Variants in ZMPSTE24 observed in about 807,000 individuals in gnomAD.
ZMPSTE24 encodes the protein CAAX prenyl protease 1 homolog.
In ZMPSTE24, 48 loss-of-function variants were observed where a neutral mutation model predicts 56.7. The ratio of observed to expected loss-of-function variants is 0.85; its 90% CI spans 0.67 to 1.08. The LOEUF is 1.08. Among genes scored for constraint, ZMPSTE24 ranks in the 50% least tolerant of loss-of-function variants. The pLI is 0.00. For missense variants in ZMPSTE24, 503 were observed against 548.7 expected (o/e 0.92, Z 0.83); for synonymous variants, 172 against 195.2 (o/e 0.88, Z 0.99).
chr1:40,279,203 A>G (rs1201138329), intron 6 of ZMPSTE24, among the ~76,000 whole-genome samples: 2 of 152,206 alleles, frequency 1.3e-5, no homozygotes, highest in Non-Finnish European at 2.9e-5. Flanking sequence ...AGAAGTAGGT[A>G]TGCTGATTTT....
intron 1 of ZMPSTE24, among the ~76,000 whole-genome samples, chr1:40,258,743 T>C (rs1373117668): frequency 6.6e-6 from 1 of 152,204 alleles, no homozygotes; most frequent in Non-Finnish European, 1.5e-5. Context: ...CCCAACTTCC[T>C]CATGACATTT....
Position 40,258,262 on chromosome 1 carries a change from C to T in ZMPSTE24, c.-10C>T. 6.2e-7 allele frequency: 1 copy of T among 1,613,348 alleles called. No individual in the cohort carries two copies. On this transcript the variant is annotated 5_prime_UTR_variant, in exon 1 of 10. Transcript: ENST00000372759. ...GTGCACGCTGAAGGAGCCGGCGGAACCGGGTGGCCATGGGGATGTGGGCAT... is the reference window on the plus strand; with the variant it reads ...GTGCACGCTGAAGGAGCCGGCGGAATCGGGTGGCCATGGGGATGTGGGCAT...
At chr1:40,280,168 C>T (rs776402911) in intron 6 of ZMPSTE24, among the ~76,000 whole-genome samples, 4 of 152,086 alleles carry the variant, frequency 2.6e-5, no homozygotes, top group East Asian at 1.9e-4. Context: ...TTGAGTTCTT[C>T]GGCAACTTCT....
intron 6 of ZMPSTE24, among the ~76,000 whole-genome samples, chr1:40,278,067 G>A (rs534657283): frequency 6.6e-6 from 1 of 151,610 alleles, no homozygotes; most frequent in South Asian, 2.1e-4. Flanking sequence ...AAACATGTTT[G>A]GCTCTTCCTG....
At chr1:40,273,533 A>ATATACATATATATATAT in intron 6 of ZMPSTE24, among the ~76,000 whole-genome samples, 1 of 57,042 alleles carries the variant, frequency 1.8e-5, no homozygotes, top group Admixed American at 2.0e-4. Context: ...AAAAAAAAAA[A>ATATACATATATATATAT]AAAAATATAT....
At chr1:40,280,082 A>C (rs990487264) in intron 6 of ZMPSTE24, among the ~76,000 whole-genome samples, 1 of 152,140 alleles carries the variant, frequency 6.6e-6, no homozygotes, top group African/African-American at 2.4e-5. Context: ...CGCTTAGCTC[A>C]TGAAGCACCC....
chr1:40,258,318 A>C lies in ZMPSTE24; in HGVS notation c.47A>C (p.Glu16Ala), dbSNP rs545458336. 2 of 1,614,164 alleles carry C rather than the reference A, an allele frequency of 1.2e-6. No individual in the cohort carries two copies. The highest frequency in any genetic ancestry group is 2.2e-5 in the East Asian group (1 of 44,882). Residue 16 changes from glutamate to alanine, a missense_variant, in exon 1 of 10, where the codon GAG becomes GCG. Coordinates refer to ENST00000372759, the MANE Select transcript of ZMPSTE24 (RefSeq NM_005857.5). ...GACGCTTTGTGGGAGATGCCGGCCG[A>C]GAAGCGTATCTTCGGGGCCGTGCTG... ...SLDALWEMPA[E>A]KRIFGAVLLF...
rs1643598803 is a variant in ZMPSTE24, at chr1:40,270,108, T to G, written c.608T>G (p.Phe203Cys). 6.2e-7 allele frequency: 1 copy of G among 1,613,852 alleles called. No homozygotes were observed. Residue 203 changes from phenylalanine to cysteine, a missense_variant, in exon 5 of 10, where the codon TTC becomes TGC. Physicochemically the swap from Phe to Cys is radical, Grantham distance 205. Transcript: ENST00000372759. ...GDYFFIYAWL[F>C]TLVVSLVLVT... ...TATTTTTTTATTTATGCCTGGCTGTTCACATTAGTTGTGTCTCTGGTGAGT... is the reference window on the plus strand; with the variant it reads ...TATTTTTTTATTTATGCCTGGCTGTGCACATTAGTTGTGTCTCTGGTGAGT...
intron 6 of ZMPSTE24, 49 bp from the exon 7 acceptor site, chr1:40,281,294 C>T: frequency 6.3e-7 from 1 of 1,587,826 alleles, no homozygotes; most frequent in Non-Finnish European, 8.6e-7. Flanking sequence ...CTCCAAAGGA[C>T]CCCAAACTTT....
chr1:40,280,273 T>C (rs1305891166), intron 6 of ZMPSTE24, among the ~76,000 whole-genome samples: 26 of 152,122 alleles, frequency 1.7e-4, no homozygotes, highest in Non-Finnish European at 1.2e-4. Context: ...TCTTCAAGGC[T>C]CTCATCTCCT....
chr1:40,273,516 T>TCA (rs1208318399), intron 6 of ZMPSTE24, among the ~76,000 whole-genome samples: 112 of 10,548 alleles, frequency 0.011, 5 homozygotes, highest in East Asian at 0.075. Flanking sequence ...AAATTCTGTC[T>TCA]AAAAAAAAAA....
chr1:40,260,956 T>C lies in ZMPSTE24; in HGVS notation c.241T>C (p.Ser81Pro). 1 of 1,614,158 alleles carries C rather than the reference T, an allele frequency of 6.2e-7. No individual in the cohort carries two copies. The highest frequency in any genetic ancestry group is 8.5e-7 in the Non-Finnish European group (1 of 1,180,032). ...GGATAAAAGCACTTTCAGCTTCTGGTCAGGACTCTATTCAGAGACTGAAGG... is the reference window on the plus strand; with the variant it reads ...GGATAAAAGCACTTTCAGCTTCTGGCCAGGACTCTATTCAGAGACTGAAGG... ...QLDKSTFSFW[S>P]GLYSETEGTL... The change falls in exon 2 of 10, where the codon TCA becomes CCA. Residue 81 changes from serine to proline, a missense_variant. Ser to Pro is a moderately conservative substitution (Grantham distance 74, BLOSUM62 -1). Transcript: ENST00000372759.
At chr1:40,274,792 G>A (rs1259650435) in intron 6 of ZMPSTE24, among the ~76,000 whole-genome samples, 2 of 152,142 alleles carry the variant, frequency 1.3e-5, no homozygotes, top group Non-Finnish European at 2.9e-5. Context: ...AGGACATAAT[G>A]GTAGCTTAGA....
chr1:40,281,614 T>A (rs1291471803), intron 7 of ZMPSTE24, 87 bp downstream of exon 7: 1 of 1,387,378 alleles, frequency 7.2e-7, no homozygotes, highest in African/African-American at 1.4e-5. Flanking sequence ...TTCTAGGCAG[T>A]GAGTGTTGAA....
At chr1:40,263,095 C>A in intron 2 of ZMPSTE24, 1 of 665,992 alleles carries the variant, frequency 1.5e-6, no homozygotes, top group Non-Finnish European at 1.9e-6. Context: ...TTGGTTGTCC[C>A]TGGTAAATAG....
rs148843182 is a variant in ZMPSTE24, at chr1:40,274,669, G to A, written c.769+2634G>A. Among the ~76,000 whole-genome samples the A allele has an allele frequency of 7.9e-5, 12 of 152,288 alleles. No individual in the cohort carries two copies. In the East Asian group the frequency reaches 2.3e-3, roughly 29 times the overall value. ...AGGAGTTTGGATTTTGAGTTCAGTG[G>A]GAAGAGCCATTGAAGGCTTAGACAG... On this transcript the variant is annotated intron_variant, in intron 6 of 9. Coordinates refer to ENST00000372759, the MANE Select transcript of ZMPSTE24 (RefSeq NM_005857.5).
chr1:40,273,516 T>TCAAAAAAAAAAAAAAAAAAA (rs1208318399), intron 6 of ZMPSTE24, among the ~76,000 whole-genome samples: 1 of 10,582 alleles, frequency 9.5e-5, no homozygotes, highest in African/African-American at 5.7e-4. Flanking sequence ...AAATTCTGTC[T>TCAAAAAAAAAAAAAAAAAAA]AAAAAAAAAA....
chr1:40,269,445 A>G (rs1015164694), intron 4 of ZMPSTE24, among the ~76,000 whole-genome samples: 2 of 151,930 alleles, frequency 1.3e-5, no homozygotes, highest in Non-Finnish European at 2.9e-5. Flanking sequence ...ACTAATATCT[A>G]TTGTTTTTCA....
intron 6 of ZMPSTE24, among the ~76,000 whole-genome samples, chr1:40,272,719 G>C (rs1344846400): frequency 6.6e-6 from 1 of 152,210 alleles, no homozygotes; most frequent in Non-Finnish European, 1.5e-5. Flanking sequence ...GAGATGTAGA[G>C]AGAAACTGTT....
Sources: gnomAD v4.1 joint callset for allele counts (sites outside exome capture counted in the v4.1 genomes callset) on GRCh38, gnomAD v4.1.1 for gene constraint, MANE v1.5 for transcripts, NCBI Gene and HGNC (gene_info 2026-07-23, HGNC 2026-07-21) for gene names.